CCT4: variants seen among roughly 807,000 people sequenced by gnomAD.
The protein encoded by CCT4 is T-complex protein 1 subunit delta.
Under a neutral mutation model 62.5 loss-of-function variants are expected in CCT4, and 17 were observed. The observed-to-expected ratio is 0.27, with a 90% confidence interval of 0.19 to 0.41. The LOEUF is 0.41. CCT4 is among the 10% of genes least tolerant of loss of function. The pLI, the probability that CCT4 is intolerant of heterozygous loss-of-function variation, is 1.00. For missense variants in CCT4, 592 were observed against 659.2 expected (o/e 0.90, Z 1.12); for synonymous variants, 250 against 229.9 (o/e 1.09, Z -0.79).
chr2:61,876,886 C>G (rs768307511), intron 7 of CCT4, 34 bp downstream of exon 7: 9 of 1,557,662 alleles, frequency 5.8e-6, no homozygotes, highest in Non-Finnish European at 7.8e-6. Context: ...AAAAGTTAAA[C>G]ACAGAGAACC....
At position 61,868,594 on chromosome 2, in the gene CCT4, C is replaced by G. The variant is rs1668822067; in HGVS notation, c.*98G>C. 1 of 902,422 alleles carries G rather than the reference C, an allele frequency of 1.1e-6. No homozygotes were observed. 55.9% of individuals were successfully genotyped at this position (902,422 alleles called of 1,614,324 possible). A position where few individuals can be genotyped will look rare whatever the true frequency, so the allele number is the denominator to read the frequency against. On this transcript the variant is annotated 3_prime_UTR_variant, in exon 14 of 14. Transcript: ENST00000394440. The stretch of plus-strand genomic sequence containing the variant: ...AACTGGAAGACCAAGCCCAGAAATT[C>G]AGAGGAAATAATCTTCCAAACAAGG...
At chr2:61,885,850 C>G (rs952319482) in intron 1 of CCT4, 1 of 152,014 alleles carries the variant, frequency 6.6e-6, no homozygotes, top group Non-Finnish European at 1.5e-5. Context: ...CAAGCAGCAA[C>G]AGAACTGTCT....
chr2:61,870,010 GCTCACGC>G (rs1668851525), intron 12 of CCT4, among the ~76,000 whole-genome samples: 1 of 149,016 alleles, frequency 6.7e-6, no homozygotes, highest in Non-Finnish European at 1.5e-5. Context: ...AGGTGCGGTG[GCTCACGC>G]CTGTAATCCC....
chr2:61,886,855 G>A (rs145266869), intron 1 of CCT4, among the ~76,000 whole-genome samples: 2,147 of 152,112 alleles, frequency 0.014, 48 homozygotes, highest in African/African-American at 0.049. Context: ...CGCCTCCCAG[G>A]TTCAAGCTAT....
At chr2:61,883,582 T>A in intron 2 of CCT4, 34 bp from the exon 3 acceptor site, 2 of 1,000,968 alleles carry the variant, frequency 2.0e-6, no homozygotes, top group African/African-American at 1.6e-5. Flanking sequence ...TATTTCAATG[T>A]CACACCTTAA....
intron 4 of CCT4, among the ~76,000 whole-genome samples, chr2:61,879,948 G>C (rs1669077876): frequency 6.6e-6 from 1 of 151,636 alleles, no homozygotes; most frequent in Non-Finnish European, 1.5e-5. Context: ...GGCTGGTCTT[G>C]AACTCCTGAC....
At chr2:61,880,809 G>A (rs968501189) in intron 3 of CCT4, among the ~76,000 whole-genome samples, 23 of 152,088 alleles carry the variant, frequency 1.5e-4, no homozygotes, top group Non-Finnish European at 3.1e-4. Context: ...GGGCTCAAGA[G>A]ATCCTCCTGT....
rs1131406 is a variant in CCT4, at chr2:61,888,208, G to A, written c.127+173C>T. 2.7e-5 allele frequency: 21 copies of A among 766,004 alleles called. 1 individual carries two copies. In the East Asian group the frequency reaches 5.8e-4, roughly 21 times the overall value. 47.5% of individuals were successfully genotyped at this position (766,004 alleles called of 1,614,324 possible). A position where few individuals can be genotyped will look rare whatever the true frequency, so the allele number is the denominator to read the frequency against. On this transcript the variant is annotated intron_variant, in intron 1 of 13. Coordinates refer to ENST00000394440, the MANE Select transcript of CCT4 (RefSeq NM_006430.4). ...CCAAAGGCCTCCATACTCCGGGTTG[G>A]CGATCATCGGCAGAAAAACAGAAAT...
At position 61,876,309 on chromosome 2, in the gene CCT4, A is replaced by G. The variant is rs372849941; in HGVS notation, c.778-75T>C. On this transcript the variant is annotated intron_variant, in intron 7 of 13. Coordinates refer to ENST00000394440, the MANE Select transcript of CCT4 (RefSeq NM_006430.4). ...TAAAAGTAGAATTTTAAGCGAAAATACTATGTGTTGTATAAATTCAACCAA... is the reference window on the plus strand; with the variant it reads ...TAAAAGTAGAATTTTAAGCGAAAATGCTATGTGTTGTATAAATTCAACCAA... 101 of 1,132,858 alleles carry G rather than the reference A, an allele frequency of 8.9e-5. No individual in the cohort carries two copies. The African/African-American group carries it at 1.3e-3, about 15-fold the overall frequency. 70.2% of individuals were successfully genotyped at this position (1,132,858 alleles called of 1,614,324 possible). A position where few individuals can be genotyped will look rare whatever the true frequency, so the allele number is the denominator to read the frequency against.
At chr2:61,879,084 C>T in intron 4 of CCT4, 73 bp from the exon 5 acceptor site, 1 of 1,133,070 alleles carries the variant, frequency 8.8e-7, no homozygotes, top group East Asian at 2.4e-5. Context: ...TAAAAATTTT[C>T]TACTCAATGT....
At chr2:61,884,099 CAA>C (rs1457612615) in intron 2 of CCT4, among the ~76,000 whole-genome samples, 6 of 111,500 alleles carry the variant, frequency 5.4e-5, no homozygotes, top group Admixed American at 2.6e-4. Context: ...CATTAAGATA[CAA>C]AGTTACATCC....
At chr2:61,880,166 A>C (rs1669082396) in intron 4 of CCT4, 120 bp downstream of exon 4, 3 of 495,210 alleles carry the variant, frequency 6.1e-6, no homozygotes, top group Admixed American at 7.8e-5. Flanking sequence ...ATTCTTGGTA[A>C]AAAGATTAGT....
intron 5 of CCT4, among the ~76,000 whole-genome samples, chr2:61,878,086 T>C (rs1356039539): frequency 1.3e-5 from 2 of 152,212 alleles, no homozygotes; most frequent in African/African-American, 2.4e-5. Context: ...TTGTAACCAT[T>C]ACGCTATACT....
rs1216181852 is a variant in CCT4, at chr2:61,883,773, G to GACAGACACACACACAC, written c.181-226_181-225insGTGTGTGTGTGTCTGT. 2.6e-4 allele frequency among the ~76,000 whole-genome samples: 38 copies of GACAGACACACACACAC among 143,938 alleles called. No homozygotes were observed. The East Asian group carries it at 4.0e-3, about 15-fold the overall frequency. 94.4% of individuals were successfully genotyped at this position (143,938 alleles called of 152,430 possible). On this transcript the variant is annotated intron_variant, in intron 2 of 13. Transcript: ENST00000394440. The stretch of plus-strand genomic sequence containing the variant: ...GGTAATCTAAAAGTGAAGAAATGTA[G>GACAGACACACACACAC]ACACACACACACACACACACACACA...
chr2:61,871,289 C>T (rs571255119), intron 12 of CCT4, among the ~76,000 whole-genome samples: 33 of 152,178 alleles, frequency 2.2e-4, no homozygotes, highest in Admixed American at 1.5e-3. Flanking sequence ...CTGCCCACCT[C>T]GGCCTCCCAA....
Position 61,869,549 on chromosome 2 carries a change from C to T in CCT4, c.1496G>A (p.Gly499Asp), listed in dbSNP as rs1668841509. The change falls in exon 13 of 14, where the codon GGT becomes GAT. Residue 499 changes from glycine (G) to aspartate (D), a missense_variant. Gly to Asp is a moderately conservative substitution (Grantham distance 94). Coordinates refer to ENST00000394440, the MANE Select transcript of CCT4 (RefSeq NM_006430.4). ...CAGTTCCTCCAAAATGTTGGAAATA[C>T]CACCCTGCAAATCAAATCAGCACAA... ...KTAGINVRKG[G>D]ISNILEELVV... The T allele has an allele frequency of 4.4e-6, 7 of 1,574,066 alleles. No individual in the cohort carries two copies. Among genetic ancestry groups the T allele is most frequent in the African/African-American group, 1.3e-5 (1 of 74,254 alleles).
chr2:61,887,086 C>G (rs576753746), intron 1 of CCT4, among the ~76,000 whole-genome samples: 6 of 152,224 alleles, frequency 3.9e-5, no homozygotes, highest in African/African-American at 1.2e-4. Context: ...CATTCTGTTC[C>G]TAATCTAATA....
intron 8 of CCT4, among the ~76,000 whole-genome samples, chr2:61,875,232 A>G (rs1288401851): frequency 6.6e-6 from 1 of 151,856 alleles, no homozygotes; most frequent in African/African-American, 2.4e-5. Flanking sequence ...ATACTGCTAA[A>G]AAAAAAAATG....
At chr2:61,887,299 G>C (rs7589135) in intron 1 of CCT4, among the ~76,000 whole-genome samples, 1 of 152,178 alleles carries the variant, frequency 6.6e-6, no homozygotes, top group Middle Eastern at 3.2e-3. Context: ...TACTTGGGCT[G>C]ATGACTGCAA....
Sources: allele counts gnomAD v4.1 joint callset (sites outside exome capture counted in the v4.1 genomes callset), GRCh38; gene constraint gnomAD v4.1.1; transcripts MANE v1.5; gene names NCBI Gene and HGNC (gene_info 2026-07-23, HGNC 2026-07-21).